ZNF180: variants seen among roughly 807,000 people sequenced by gnomAD.
ZNF180 encodes zinc finger protein 180 (HHZ168).
In ZNF180, 11 loss-of-function variants were observed where a neutral mutation model predicts 11.8. That is an observed-to-expected ratio of 0.93 (90% CI 0.59 to 1.55). The LOEUF is 1.55. Ranked by LOEUF, ZNF180 falls within the 40% of genes most tolerant of loss-of-function variation. ZNF180 has a pLI of 0.00. For synonymous variants in ZNF180, 287 were observed against 257.7 expected, an observed-to-expected ratio of 1.11 and a Z score of -1.09; for missense variants, 773 against 781.7, an observed-to-expected ratio of 0.99 and a Z score of 0.13.
chr19:44,494,558 A>C (rs1970531639), intron 2 of ZNF180, among the ~76,000 whole-genome samples: 1 of 152,150 alleles, frequency 6.6e-6, no homozygotes, highest in African/African-American at 2.4e-5. Flanking sequence ...TGTAGTCCCA[A>C]ATACTCAGGA....
chr19:44,498,801 G>T (rs1970657569), intron 1 of ZNF180, among the ~76,000 whole-genome samples: 2 of 152,058 alleles, frequency 1.3e-5, no homozygotes, highest in Non-Finnish European at 2.9e-5. Context: ...CGTGCAGAGT[G>T]TTGCTGGAGC....
rs749993199 is a variant in ZNF180 at position 44,476,259 on chromosome 19, T to C, written c.*143A>G. The C allele has an allele frequency of 8.8e-6, 7 of 792,882 alleles. No homozygotes were observed. The highest frequency in any genetic ancestry group is 7.0e-5 in the Admixed American group (2 of 28,600). The allele number at this position is 792,882 out of a possible 1,614,324, so 49.1% of individuals were successfully genotyped here. On this transcript the variant is annotated 3_prime_UTR_variant, in exon 5 of 5. Coordinates refer to ENST00000592529, the MANE Select transcript of ZNF180 (RefSeq NM_001278509.3). ...TCCCCCTTTCTTTTCCAGAACAAAT[T>C]TGAGACACACAATTAACAGAGGGCT... is the stretch of plus-strand genomic sequence containing the variant.
At chr19:44,481,150 G>A (rs2123449548) in intron 3 of ZNF180, among the ~76,000 whole-genome samples, 1 of 152,254 alleles carries the variant, frequency 6.6e-6, no homozygotes, top group African/African-American at 2.4e-5. Flanking sequence ...AGGGTGATCT[G>A]TCCTTACCCA....
chr19:44,498,658 T>C (rs983630908), intron 1 of ZNF180, among the ~76,000 whole-genome samples: 8 of 152,140 alleles, frequency 5.3e-5, no homozygotes, highest in Non-Finnish European at 1.2e-4. Flanking sequence ...AACACCGGTG[T>C]GTGTGCACAA....
In ZNF180 at chr19:44,476,669, G is replaced by T. The variant is rs1192045887; in HGVS notation, c.1731C>A (p.Pro577=). 13 of 1,613,966 alleles carry T rather than the reference G, an allele frequency of 8.1e-6. No homozygotes were observed. The highest frequency in any genetic ancestry group is 1.0e-5 in the Non-Finnish European group (12 of 1,179,988). Residue 577 remains proline (P), a synonymous_variant, in exon 5 of 5, where the codon CCC becomes CCA. Coordinates refer to ENST00000592529, the MANE Select transcript of ZNF180 (RefSeq NM_001278509.3). ...ACTTCCCACATTGACTGCATTCATA[G>T]GGCTTTTCTCCAGTATGAGTTCTCT... ...VHQRTHTGEK[P]YECSQCGKSF... is the part of the protein sequence containing the mutation.
At position 44,477,832 on chromosome 19, in the gene ZNF180, A is replaced by T. The variant is rs1030466939; in HGVS notation, c.568T>A (p.Phe190Ile). ...SSPVIPIRNH[F>I]HKHVSHAKKW... is the part of the protein sequence containing the mutation. ...TTAGCATGTGATACATGTTTATGAA[A>T]ATGGTTTCTTATGGGTATAACTGGG... The change falls in exon 5 of 5, where the codon TTT (phenylalanine) becomes ATT (isoleucine). Residue 190 changes from phenylalanine to isoleucine, a missense_variant. Transcript: ENST00000592529. 6.2e-7 allele frequency: 1 copy of T among 1,613,922 alleles called. No homozygotes were observed. Among genetic ancestry groups the T allele is most frequent in the African/African-American group, 1.3e-5 (1 of 75,024 alleles).
At chr19:44,498,796 A>G (rs533687419) in intron 1 of ZNF180, among the ~76,000 whole-genome samples, 2 of 152,240 alleles carry the variant, frequency 1.3e-5, no homozygotes, top group South Asian at 4.1e-4. Flanking sequence ...GCACACGTGC[A>G]GAGTGTTGCT....
chr19:44,496,623 G>C (rs1036640310), intron 2 of ZNF180: 4 of 130,932 alleles, frequency 3.1e-5, no homozygotes, highest in Non-Finnish European at 6.1e-5. Context: ...CAGTGAGCTA[G>C]GATTGTGTCA....
intron 3 of ZNF180, among the ~76,000 whole-genome samples, chr19:44,480,402 AC>A (rs1193692201): frequency 6.6e-6 from 1 of 152,140 alleles, no homozygotes; most frequent in Non-Finnish European, 1.5e-5. Flanking sequence ...ACCACACCTG[AC>A]CCAATTGTCT....
chr19:44,475,996 A>G lies in ZNF180; in HGVS notation c.*406T>C, dbSNP rs565008575. 1 of 162,370 alleles carries G rather than the reference A, an allele frequency of 6.2e-6. No individual in the cohort carries two copies. Among genetic ancestry groups the G allele is most frequent in the East Asian group, 1.8e-4 (1 of 5,452 alleles). 10.1% of individuals were successfully genotyped at this position (162,370 alleles called of 1,614,324 possible). On this transcript the variant is annotated 3_prime_UTR_variant, in exon 5 of 5. Coordinates refer to ENST00000592529, the MANE Select transcript of ZNF180 (RefSeq NM_001278509.3). Reference sequence around the variant, plus strand: ...TTTTCCAGCCTAAGTTCTAAACACTACAGCAACCTTTAAATTTTCTCAATA... The same window carrying G: ...TTTTCCAGCCTAAGTTCTAAACACTGCAGCAACCTTTAAATTTTCTCAATA...
At chr19:44,484,267 G>T in intron 3 of ZNF180, 94 bp downstream of exon 3, 1 of 997,984 alleles carries the variant, frequency 1.0e-6, no homozygotes, top group Non-Finnish European at 1.6e-6. Context: ...CAAAGTGCTG[G>T]CAGCCACCGC....
intron 2 of ZNF180, chr19:44,496,783 A>G (rs1459623159): frequency 2.6e-5 from 4 of 152,136 alleles, no homozygotes; most frequent in Non-Finnish European, 5.9e-5. Flanking sequence ...CTATATTTAT[A>G]GTCTTCTAAC....
In ZNF180 at chr19:44,495,326, T is replaced by C. The variant is rs930323995; in HGVS notation, c.51+1958A>G. Among the ~76,000 whole-genome samples, 1 of 151,616 alleles carries C rather than the reference T, an allele frequency of 6.6e-6. No individual in the cohort carries two copies. Among genetic ancestry groups the C allele is most frequent in the African/African-American group, 2.4e-5 (1 of 41,258 alleles). On this transcript the variant is annotated intron_variant, in intron 2 of 4. Transcript: ENST00000592529. This position sits in a 1 kb window ranked among gnomAD's most constrained non-coding sequence, Gnocchi z 4.5. The stretch of plus-strand genomic sequence containing the variant: ...GGGAGCTCCTCACCCTGCTTAGGCT[T>C]TGACTCCCCGGGCTAGGCTGCCCCA...
chr19:44,496,271 G>A (rs924209861), intron 2 of ZNF180, among the ~76,000 whole-genome samples: 6 of 151,928 alleles, frequency 3.9e-5, no homozygotes, highest in Admixed American at 1.3e-4. Flanking sequence ...CTCCCACCTC[G>A]GCCTCCCAAA....
At chr19:44,489,218 A>AG (rs1970353113) in intron 2 of ZNF180, among the ~76,000 whole-genome samples, 1 of 48,168 alleles carries the variant, frequency 2.1e-5, no homozygotes, top group Non-Finnish European at 5.3e-5. Flanking sequence ...CTGCCCGGCC[A>AG]CCACCCCGTC....
chr19:44,487,049 TAATAAATAAATA>T (rs767172235), intron 2 of ZNF180, among the ~76,000 whole-genome samples: 1 of 151,382 alleles, frequency 6.6e-6, no homozygotes, highest in African/African-American at 2.4e-5. Context: ...TCTCAAAAAA[TAATAAATAAATA>T]AATAAATAAA....
rs764105237 is a variant in ZNF180, at chr19:44,476,791, G to A, written c.1609C>T (p.Leu537Phe). ...GTGTGAATTCTCTGATGCATAACAA[G>A]GTGAGAACTGCGGTTAAAAGATTTT... is the stretch of plus-strand genomic sequence containing the variant. ...CGKSFNRSSHLVMHQRIHTGE... is the reference protein window; with the variant it reads ...CGKSFNRSSHFVMHQRIHTGE... The change falls in exon 5 of 5, where the codon CTT becomes TTT. Residue 537 changes from leucine to phenylalanine, a missense_variant. By Grantham distance (22) the Leu-to-Phe change is conservative. Coordinates refer to ENST00000592529, the MANE Select transcript of ZNF180 (RefSeq NM_001278509.3). The A allele has an allele frequency of 2.5e-6, 4 of 1,614,096 alleles. No individual in the cohort carries two copies. Among genetic ancestry groups the A allele is most frequent in the Non-Finnish European group, 3.4e-6 (4 of 1,179,986 alleles).
intron 2 of ZNF180, among the ~76,000 whole-genome samples, chr19:44,486,093 A>T (rs1970221153): frequency 6.6e-6 from 1 of 152,250 alleles, no homozygotes; most frequent in Non-Finnish European, 1.5e-5. Flanking sequence ...CTTTATTCAG[A>T]TGACTGAATA....
Position 44,477,136 on chromosome 19 carries a change from T to A in ZNF180, c.1264A>T (p.Ser422Cys). 1 of 1,613,204 alleles carries A rather than the reference T, an allele frequency of 6.2e-7. No homozygotes were observed. The highest frequency in any genetic ancestry group is 8.5e-7 in the Non-Finnish European group (1 of 1,179,236). The change falls in exon 5 of 5, where the codon AGC becomes TGC. Residue 422 changes from serine to cysteine, a missense_variant. Transcript: ENST00000592529. ...CTTTGATGTGCAATAAGTTTATAGC[T>A]CTGCCTGAATGACTTTCCACACTGA... is the stretch of plus-strand genomic sequence containing the variant. ...CNQCGKSFRQ[S>C]YKLIAHQRTH...
Sources: allele counts gnomAD v4.1 joint callset (sites outside exome capture counted in the v4.1 genomes callset), GRCh38; gene constraint gnomAD v4.1.1; non-coding constraint Gnocchi (gnomAD v3.1); transcripts MANE v1.5; gene names NCBI Gene and HGNC (gene_info 2026-07-23, HGNC 2026-07-21).